The following SH3BGRL2 variants were observed in gnomAD, a reference collection of about 807,000 sequenced individuals.
SH3BGRL2 encodes SH3 domain binding glutamate rich protein like 2, also known as SH3 domain-binding glutamic acid-rich-like protein 2.
SH3BGRL2 carries 21 observed loss-of-function variants against 14.8 expected under a neutral mutation model. The observed-to-expected ratio is 1.42, with a 90% CI of 1.01 to 2.05. The LOEUF (loss-of-function observed/expected upper bound fraction) is 2.05, where lower values mean the gene tolerates loss of function less well. Ranked by LOEUF, SH3BGRL2 falls within the 30% of genes most tolerant of loss-of-function variation. The pLI is 0.00. For missense variants in SH3BGRL2, 147 were observed against 130.8 expected, an observed-to-expected ratio of 1.12 and a Z score of -0.61; for synonymous variants, 50 against 47.8, an observed-to-expected ratio of 1.05 and a Z score of -0.19.
intron 1 of SH3BGRL2, among the ~76,000 whole-genome samples, chr6:79,655,197 A>G (rs1769381302): frequency 6.6e-6 from 1 of 152,130 alleles, no homozygotes; most frequent in Non-Finnish European, 1.5e-5. Context: ...AAGAGGGAGC[A>G]TATGAGTTAG....
chr6:79,618,434 G>A, the SH3BGRL2 span, among the ~76,000 whole-genome samples: 6 of 152,306 alleles, frequency 3.9e-5, no homozygotes, highest in South Asian at 2.1e-4. Context: ...TGGGCCAGGC[G>A]CCGTGGCTCT....
the SH3BGRL2 span, among the ~76,000 whole-genome samples, chr6:79,579,043 A>G: frequency 3.5e-3 from 535 of 152,364 alleles, 3 homozygotes; most frequent in African/African-American, 0.012. Flanking sequence ...AGTGGAAGAA[A>G]GGGTATCAGT....
chr6:79,567,749 T>C, the SH3BGRL2 span, among the ~76,000 whole-genome samples: 1 of 152,186 alleles, frequency 6.6e-6, no homozygotes, highest in Admixed American at 6.5e-5. Context: ...TAAATACAAC[T>C]ATCAAAATTA....
Position 79,696,491 on chromosome 6 carries a change from G to T in SH3BGRL2, c.238G>T (p.Asp80Tyr). ...FNGDRYCGDY[D>Y]SFFESKESNT... is the part of the protein sequence containing the mutation. The stretch of plus-strand genomic sequence containing the variant: ...TGCTTCCCTTTTTTTCTAGGATTAT[G>T]ACAGTTTTTTTGAATCCAAGGAAAG... Residue 80 changes from aspartate (D) to tyrosine (Y), a missense_variant, in exon 3 of 4, where the codon GAC becomes TAC. By Grantham distance (160) the Asp-to-Tyr change is radical. Transcript: ENST00000369838. The T allele has an allele frequency of 6.3e-7, 1 of 1,578,442 alleles. No individual in the cohort carries two copies. Among genetic ancestry groups the T allele is most frequent in the African/African-American group, 1.4e-5 (1 of 72,358 alleles).
intron 2 of SH3BGRL2, among the ~76,000 whole-genome samples, chr6:79,682,629 G>C (rs1245945489): frequency 6.6e-6 from 1 of 152,196 alleles, no homozygotes; most frequent in Non-Finnish European, 1.5e-5. Context: ...ACCTGGGGGG[G>C]CCCAAAGTCA....
the SH3BGRL2 span, among the ~76,000 whole-genome samples, chr6:79,590,334 CT>C: frequency 6.7e-6 from 1 of 149,386 alleles, no homozygotes; most frequent in Admixed American, 6.7e-5. Context: ...GACATATGCA[CT>C]TATATGTTCA....
the SH3BGRL2 span, chr6:79,574,366 A>G: frequency 1.1e-4 from 16 of 152,182 alleles, no homozygotes; most frequent in African/African-American, 3.4e-4. Flanking sequence ...CAATTCATCA[A>G]TGAGTTGCTA....
intron 1 of SH3BGRL2, among the ~76,000 whole-genome samples, chr6:79,659,056 A>G (rs1029524145): frequency 6.6e-6 from 1 of 152,162 alleles, no homozygotes; most frequent in Non-Finnish European, 1.5e-5. Flanking sequence ...TCAGATGGGT[A>G]GATTGCAAAA....
the SH3BGRL2 span, among the ~76,000 whole-genome samples, chr6:79,595,704 C>T: frequency 6.6e-6 from 1 of 152,160 alleles, no homozygotes; most frequent in Admixed American, 6.5e-5. Context: ...CTATGAAGAA[C>T]AGCTTTTGTC....
At chr6:79,581,454 C>A in the SH3BGRL2 span, among the ~76,000 whole-genome samples, 1 of 152,204 alleles carries the variant, frequency 6.6e-6, no homozygotes, top group African/African-American at 2.4e-5. Context: ...ATCAAATTGG[C>A]TTCATCCCTG....
At chr6:79,586,268 T>G in the SH3BGRL2 span, among the ~76,000 whole-genome samples, 1 of 140,508 alleles carries the variant, frequency 7.1e-6, no homozygotes. Flanking sequence ...TTTTGCTCAT[T>G]AGCTATTGTT....
chr6:79,653,035 A>C (rs890748321), intron 1 of SH3BGRL2, among the ~76,000 whole-genome samples: 20 of 152,288 alleles, frequency 1.3e-4, no homozygotes, highest in Non-Finnish European at 2.4e-4. Context: ...AAAACAAGAC[A>C]ACTATTATAA....
intron 2 of SH3BGRL2, among the ~76,000 whole-genome samples, chr6:79,689,749 G>C (rs1461060653): frequency 3.3e-5 from 5 of 152,018 alleles, no homozygotes; most frequent in Admixed American, 1.3e-4. Context: ...ATCATTTTAA[G>C]ATTAAGGTTT....
intron 1 of SH3BGRL2, among the ~76,000 whole-genome samples, chr6:79,643,641 A>G (rs951150621): frequency 2.6e-5 from 4 of 152,230 alleles, no homozygotes; most frequent in African/African-American, 4.8e-5. Flanking sequence ...TGTACTCCTT[A>G]AAGTAACTTG....
At chr6:79,588,360 C>T in the SH3BGRL2 span, among the ~76,000 whole-genome samples, 1 of 149,656 alleles carries the variant, frequency 6.7e-6, no homozygotes, top group Non-Finnish European at 1.5e-5. Flanking sequence ...TAGGGGGAAA[C>T]TAATGGAAGA....
chr6:79,578,620 A>G, the SH3BGRL2 span, among the ~76,000 whole-genome samples: 1 of 152,184 alleles, frequency 6.6e-6, no homozygotes, highest in African/African-American at 2.4e-5. Flanking sequence ...CAAAAAGGCC[A>G]TCTACACCAG....
intron 1 of SH3BGRL2, among the ~76,000 whole-genome samples, chr6:79,644,499 C>T (rs1249476714): frequency 2.0e-5 from 3 of 152,160 alleles, no homozygotes; most frequent in Non-Finnish European, 4.4e-5. Flanking sequence ...TCAACCATCT[C>T]TCTAATATTA....
At chr6:79,675,067 G>A (rs1285536982) in intron 2 of SH3BGRL2, among the ~76,000 whole-genome samples, 1 of 152,080 alleles carries the variant, frequency 6.6e-6, no homozygotes, top group Non-Finnish European at 1.5e-5. Flanking sequence ...GTACTCTTGT[G>A]CCTGCAGACC....
At chr6:79,617,199 GAAAAA>G in the SH3BGRL2 span, among the ~76,000 whole-genome samples, 1 of 149,086 alleles carries the variant, frequency 6.7e-6, no homozygotes, top group Non-Finnish European at 1.5e-5. Flanking sequence ...ACAAAAAAAA[GAAAAA>G]AAAAAGAAAA....
Sources: allele counts gnomAD v4.1 joint callset (sites outside exome capture counted in the v4.1 genomes callset), GRCh38; gene constraint gnomAD v4.1.1; transcripts MANE v1.5; gene names NCBI Gene and HGNC (gene_info 2026-07-23, HGNC 2026-07-21).